Variants in CDK13 observed in about 807,000 individuals in gnomAD.
The protein encoded by CDK13 is cyclin-dependent kinase 13.
In CDK13, 40 loss-of-function variants were observed where a neutral mutation model predicts 137.6. The ratio of observed to expected loss-of-function variants is 0.29; its 90% CI spans 0.23 to 0.38. The LOEUF (loss-of-function observed/expected upper bound fraction) is 0.38, where lower values mean the gene tolerates loss of function less well. Ranked by LOEUF, CDK13 falls within the 10% of genes least tolerant of loss-of-function variation. CDK13 has a pLI of 1.00. For missense variants in CDK13, 1,704 were observed against 1,951.8 expected (o/e 0.87, Z 2.39); for synonymous variants, 869 against 760.1 (o/e 1.14, Z -2.36).
At chr7:40,021,106 TATATATATATATATATAC>T (rs1395414772) in intron 5 of CDK13, among the ~76,000 whole-genome samples, 2 of 65,346 alleles carry the variant, frequency 3.1e-5, no homozygotes, top group Non-Finnish European at 5.7e-5. Context: ...AACAAACGTA[TATATATATATATATATAC>T]ACACACACAC....
intron 5 of CDK13, among the ~76,000 whole-genome samples, chr7:40,006,731 G>A (rs1398318269): frequency 1.3e-5 from 2 of 152,124 alleles, no homozygotes; most frequent in East Asian, 1.9e-4. Context: ...GCAGTGAGCC[G>A]AGATTGCGCC....
At chr7:40,045,772 A>G in intron 5 of CDK13, 64 bp from the exon 6 acceptor site, 2 of 1,106,288 alleles carry the variant, frequency 1.8e-6, no homozygotes, top group Non-Finnish European at 2.7e-6. Flanking sequence ...ATTGTTAAAA[A>G]TTGTGAATTT....
intron 5 of CDK13, among the ~76,000 whole-genome samples, chr7:40,041,582 T>TG (rs1562744359): frequency 6.6e-6 from 1 of 152,210 alleles, no homozygotes; most frequent in Non-Finnish European, 1.5e-5. Context: ...ATTAGCCACA[T>TG]GTGGCTAGTG....
intron 7 of CDK13, chr7:40,062,286 A>G (rs1786164318): frequency 7.0e-6 from 1 of 143,528 alleles, no homozygotes; most frequent in Non-Finnish European, 1.5e-5. Context: ...TAATACCAGT[A>G]AACTACTTTT....
At chr7:40,003,051 C>A (rs1784717979) in intron 5 of CDK13, among the ~76,000 whole-genome samples, 2 of 151,828 alleles carry the variant, frequency 1.3e-5, no homozygotes, top group African/African-American at 4.8e-5. Flanking sequence ...GCACTCCAAC[C>A]TCGGTGACAG....
chr7:40,079,137 G>A (rs1353009890), intron 11 of CDK13, among the ~76,000 whole-genome samples: 1 of 151,956 alleles, frequency 6.6e-6, no homozygotes, highest in African/African-American at 2.4e-5. Flanking sequence ...AAATATTACT[G>A]CTGCCGGGCG....
intron 11 of CDK13, 47 bp downstream of exon 11, chr7:40,078,898 T>A (rs1224449476): frequency 8.1e-6 from 6 of 741,488 alleles, no homozygotes; most frequent in African/African-American, 1.9e-5. Context: ...TTATTATATT[T>A]ATTATATTAA....
At chr7:40,013,095 A>G (rs1401690502) in intron 5 of CDK13, among the ~76,000 whole-genome samples, 4 of 152,026 alleles carry the variant, frequency 2.6e-5, no homozygotes, top group African/African-American at 9.7e-5. Flanking sequence ...AATGAAGGAA[A>G]TTTTTACACA....
intron 11 of CDK13, 35 bp from the exon 12 acceptor site, chr7:40,088,091 T>C: frequency 6.3e-7 from 1 of 1,576,478 alleles, no homozygotes; most frequent in East Asian, 2.3e-5. Flanking sequence ...TGTTAAGAAA[T>C]GCCATTTACA....
chr7:39,975,275 C>A (rs1038247663), intron 1 of CDK13, among the ~76,000 whole-genome samples: 1 of 151,968 alleles, frequency 6.6e-6, no homozygotes, highest in Non-Finnish European at 1.5e-5. Context: ...TTTGCCGGGC[C>A]TGGTGGTGTG....
chr7:40,076,506 C>G (rs1481111053), intron 9 of CDK13, among the ~76,000 whole-genome samples: 1 of 152,016 alleles, frequency 6.6e-6, no homozygotes, highest in African/African-American at 2.4e-5. Flanking sequence ...GGGACCAGAT[C>G]TAGAGAGCCC....
At chr7:40,017,244 A>G (rs1397775494) in intron 5 of CDK13, among the ~76,000 whole-genome samples, 3 of 152,146 alleles carry the variant, frequency 2.0e-5, no homozygotes, top group Non-Finnish European at 2.9e-5. Flanking sequence ...GCGTCTTCCA[A>G]CAGTGCTTTA....
rs995426819 is a variant in CDK13 at position 40,097,970 on chromosome 7, A to G, written c.*2990A>G. On this transcript the variant is annotated 3_prime_UTR_variant, in exon 14 of 14. Transcript: ENST00000181839. The stretch of plus-strand genomic sequence containing the variant: ...ATAACCGTCAACAGTGTTAAATCAT[A>G]CTTTCAGTGTGCTGACAGTGAGCAA... 2.0e-5 allele frequency: 3 copies of G among 152,146 alleles called. No individual in the cohort carries two copies. Among genetic ancestry groups the G allele is most frequent in the African/African-American group, 2.4e-5 (1 of 41,446 alleles). The allele number at this position is 152,146 out of a possible 1,614,324, so 9.4% of individuals were successfully genotyped here. A position where few individuals can be genotyped will look rare whatever the true frequency, so the allele number is the denominator to read the frequency against.
At chr7:40,082,471 G>A (rs370893206) in intron 11 of CDK13, among the ~76,000 whole-genome samples, 1 of 120,284 alleles carries the variant, frequency 8.3e-6, no homozygotes, top group African/African-American at 2.8e-5. Flanking sequence ...GGGCGACAGA[G>A]TGAGACTCCA....
At chr7:39,965,858 A>G (rs1400197906) in intron 1 of CDK13, among the ~76,000 whole-genome samples, 1 of 152,106 alleles carries the variant, frequency 6.6e-6, no homozygotes, top group African/African-American at 2.4e-5. Context: ...TAAGGATTTT[A>G]TTTCTCCTTC....
In CDK13 at chr7:40,094,479, T is replaced by G. The variant is rs746571821; in HGVS notation, c.4038T>G (p.Ser1346=). The part of the protein sequence containing the change: ...KDNFGSSSFS[S]APYVSNDGLG... ...ACTTTGGATCCTCTTCTTTCTCTTC[T>G]GCTCCTTATGTTAGCAATGATGGTC... The change falls in exon 14 of 14, where the codon TCT becomes TCG. Residue 1346 remains serine (S), a synonymous_variant. Coordinates refer to ENST00000181839, the MANE Select transcript of CDK13 (RefSeq NM_003718.5). The G allele has an allele frequency of 3.3e-5, 53 of 1,613,638 alleles. No homozygotes were observed. The highest frequency in any genetic ancestry group is 4.1e-5 in the Non-Finnish European group (48 of 1,180,022).
intron 5 of CDK13, among the ~76,000 whole-genome samples, chr7:40,031,728 C>T (rs1382203058): frequency 6.6e-6 from 1 of 151,712 alleles, no homozygotes; most frequent in Non-Finnish European, 1.5e-5. Context: ...TTACTGTAGC[C>T]TCAAACTCCC....
At chr7:39,965,153 A>G (rs1783839270) in intron 1 of CDK13, among the ~76,000 whole-genome samples, 2 of 152,160 alleles carry the variant, frequency 1.3e-5, no homozygotes, top group Admixed American at 1.3e-4. Context: ...CTTGGTGCAG[A>G]GCTGAGTTCA....
chr7:39,962,763 C>T (rs1783778783), intron 1 of CDK13, among the ~76,000 whole-genome samples: 1 of 152,046 alleles, frequency 6.6e-6, no homozygotes, highest in African/African-American at 2.4e-5. Flanking sequence ...TTAGGTCTAA[C>T]ATTTAAGTCT....
Sources: allele counts gnomAD v4.1 joint callset (sites outside exome capture counted in the v4.1 genomes callset), GRCh38; gene constraint gnomAD v4.1.1; transcripts MANE v1.5; gene names NCBI Gene and HGNC (gene_info 2026-07-23, HGNC 2026-07-21).